Variants in RNF135 observed in about 807,000 individuals in gnomAD.
The protein encoded by RNF135 is ring finger protein 135, also known as E3 ubiquitin-protein ligase RNF135.
In RNF135, 46 loss-of-function variants were observed where a neutral mutation model predicts 41.9. That is an observed-to-expected ratio of 1.10 (90% CI 0.87 to 1.40). RNF135 has a LOEUF of 1.40. RNF135 is among the 40% of genes most tolerant of loss of function. RNF135 has a pLI of 0.00. For missense variants in RNF135, 539 were observed against 549.8 expected (o/e 0.98, Z 0.20); for synonymous variants, 238 against 223.8 (o/e 1.06, Z -0.57).
In RNF135 at chr17:30,992,543, C is replaced by T. The variant is rs181386945; in HGVS notation, c.679+4437C>T. On this transcript the variant is annotated intron_variant, in intron 3 of 4. Transcript: ENST00000328381. Reference sequence around the variant, plus strand: ...TGCAGTGGTGCGATCATGGCTCACCCCAGCCTTGACCTCCCAGGCTCAAGT... The same window carrying T: ...TGCAGTGGTGCGATCATGGCTCACCTCAGCCTTGACCTCCCAGGCTCAAGT... Among the ~76,000 whole-genome samples the T allele has an allele frequency of 2.0e-4, 31 of 151,768 alleles. No homozygotes were observed. The East Asian group carries it at 5.1e-3, about 25-fold the overall frequency.
At chr17:30,984,538 T>C in intron 1 of RNF135, 79 bp from the exon 2 acceptor site, 1 of 1,471,100 alleles carries the variant, frequency 6.8e-7, no homozygotes, top group Non-Finnish European at 9.5e-7. Flanking sequence ...TACCACAGTA[T>C]TTATGATTCC....
rs751142154 is a variant in RNF135, at chr17:30,971,113, C to T, written c.40C>T (p.Leu14=). Residue 14 remains leucine, a synonymous_variant, in exon 1 of 5, where the codon CTG becomes TTG. Coordinates refer to ENST00000328381, the MANE Select transcript of RNF135 (RefSeq NM_032322.4). ...LGLGSAVPVW[L]AEDDLGCIIC... ...CCTGGGCTCCGCCGTTCCCGTGTGG[C>T]TGGCCGAGGACGACCTCGGCTGCAT... 6.5e-6 allele frequency: 10 copies of T among 1,534,284 alleles called. No individual in the cohort carries two copies. Among genetic ancestry groups the T allele is most frequent in the South Asian group, 2.4e-5 (2 of 84,006 alleles).
At chr17:30,986,620 G>A (rs1207570172) in intron 2 of RNF135, among the ~76,000 whole-genome samples, 3 of 152,192 alleles carry the variant, frequency 2.0e-5, no homozygotes, top group Non-Finnish European at 2.9e-5. Flanking sequence ...TTAGGGATGC[G>A]ATGTGTTGGG....
intron 3 of RNF135, among the ~76,000 whole-genome samples, chr17:30,995,020 G>A (rs1262357506): frequency 1.3e-5 from 2 of 152,066 alleles, no homozygotes; most frequent in Non-Finnish European, 2.9e-5. Context: ...ATGGCTCACT[G>A]TAACCTCAAT....
At chr17:30,977,246 A>C (rs1422629629) in intron 1 of RNF135, among the ~76,000 whole-genome samples, 1 of 152,120 alleles carries the variant, frequency 6.6e-6, no homozygotes, top group Non-Finnish European at 1.5e-5. Context: ...TACACTTCAA[A>C]TTCATCCCCT....
rs549266770 is a variant in RNF135 at position 30,974,153 on chromosome 17, G to A, written c.372+2708G>A. Reference sequence around the variant, plus strand: ...TGGGAGTTTGAGGTTGCAGTGAGCCGTGATTGTACCACTGCACTCCAGCCT... The same window carrying A: ...TGGGAGTTTGAGGTTGCAGTGAGCCATGATTGTACCACTGCACTCCAGCCT... On this transcript the variant is annotated intron_variant, in intron 1 of 4. Coordinates refer to ENST00000328381, the MANE Select transcript of RNF135 (RefSeq NM_032322.4). Among the ~76,000 whole-genome samples the A allele has an allele frequency of 2.2e-3, 333 of 152,234 alleles. 2 individuals carry two copies. Among genetic ancestry groups the A allele is most frequent in the African/African-American group, 7.8e-3 (324 of 41,534 alleles).
chr17:30,960,857 A>G, the RNF135 span, among the ~76,000 whole-genome samples: 24 of 150,410 alleles, frequency 1.6e-4, no homozygotes, highest in African/African-American at 5.6e-4. Context: ...CTCCTGCCTC[A>G]GCCTCCCGAG....
rs7224960 is a variant in RNF135 at position 30,971,433 on chromosome 17, G to A, written c.360G>A (p.Pro120=). The A allele has an allele frequency of 6.6e-7, 1 of 1,512,888 alleles. No individual in the cohort carries two copies. The highest frequency in any genetic ancestry group is 8.8e-7 in the Non-Finnish European group (1 of 1,138,216). The allele number at this position is 1,512,888 out of a possible 1,614,324, so 93.7% of individuals were successfully genotyped here. Residue 120 remains proline (P), a synonymous_variant, in exon 1 of 5, where the codon CCG becomes CCA. Coordinates refer to ENST00000328381, the MANE Select transcript of RNF135 (RefSeq NM_032322.4). Reference sequence around the variant, plus strand: ...CGGCCGCGAGGCCCCGGCGCCGCCCGGAACTGCAGCGGGTAGGGAGGCCGG... The same window carrying A: ...CGGCCGCGAGGCCCCGGCGCCGCCCAGAACTGCAGCGGGTAGGGAGGCCGG... ...SSAAARPRRR[P]ELQRVAVEKS...
chr17:30,998,811 G>A lies in RNF135; in HGVS notation c.919G>A (p.Ala307Thr), dbSNP rs1567751292. Residue 307 changes from alanine (A) to threonine (T), a missense_variant, in exon 5 of 5, where the codon GCC becomes ACC. This residue lies in a region of RNF135 where 262 missense variants were observed against 336.9 expected (regional missense o/e 0.78). Transcript: ENST00000328381. The stretch of plus-strand genomic sequence containing the variant: ...TACCAGCCAGGTCTTATGTTCCCAG[G>A]CCCTGTCTTCTGGAAAGCATTACTG... ...FSTSQVLCSQ[A>T]LSSGKHYWEV... The A allele has an allele frequency of 6.2e-7, 1 of 1,613,518 alleles. No individual in the cohort carries two copies. Among genetic ancestry groups the A allele is most frequent in the Admixed American group, 1.7e-5 (1 of 59,878 alleles).
At chr17:30,959,562 A>G in the RNF135 span, 1 of 152,262 alleles carries the variant, frequency 6.6e-6, no homozygotes, top group East Asian at 1.9e-4. Flanking sequence ...AGGCTCAGAG[A>G]TATCAGGTGT....
chr17:30,978,616 A>AT (rs1284171628), intron 1 of RNF135: 1,831 of 143,464 alleles, frequency 0.013, 47 homozygotes, highest in African/African-American at 0.045. Context: ...TTTATTTTTT[A>AT]TTTTTTTTTT....
At chr17:30,964,194 C>T in the RNF135 span, among the ~76,000 whole-genome samples, 1 of 151,634 alleles carries the variant, frequency 6.6e-6, no homozygotes, top group East Asian at 1.9e-4. Flanking sequence ...TTGAGACCAG[C>T]CTGGCCAACA....
chr17:30,965,778 G>T, the RNF135 span, among the ~76,000 whole-genome samples: 1 of 152,216 alleles, frequency 6.6e-6, no homozygotes, highest in Non-Finnish European at 1.5e-5. Flanking sequence ...GGGGACTAGG[G>T]GATGGATGCT....
chr17:30,978,555 G>A lies in RNF135; in HGVS notation c.373-6062G>A, dbSNP rs557973572. Reference sequence around the variant, plus strand: ...CTTCAGTATGTCAGATGCATTCTTCGATTCCAGAATTTCTGCTTGATTTTT... The same window carrying A: ...CTTCAGTATGTCAGATGCATTCTTCAATTCCAGAATTTCTGCTTGATTTTT... On this transcript the variant is annotated intron_variant, in intron 1 of 4. Transcript: ENST00000328381. 3 of 151,918 alleles carry A rather than the reference G, an allele frequency of 2.0e-5. No individual in the cohort carries two copies. In the East Asian group the frequency reaches 5.8e-4, roughly 29 times the overall value. The allele number at this position is 151,918 out of a possible 1,614,324, so 9.4% of individuals were successfully genotyped here.
At chr17:30,979,620 G>A (rs1189921335) in intron 1 of RNF135, among the ~76,000 whole-genome samples, 1 of 121,208 alleles carries the variant, frequency 8.3e-6, no homozygotes, top group African/African-American at 3.2e-5. Context: ...GGGCAGAGGC[G>A]CCCCTCACCT....
At chr17:30,988,216 T>C in intron 3 of RNF135, 110 bp downstream of exon 3, 1 of 1,065,470 alleles carries the variant, frequency 9.4e-7, no homozygotes. Flanking sequence ...TCCAGCTGTA[T>C]TACCACTGTG....
intron 1 of RNF135, among the ~76,000 whole-genome samples, chr17:30,982,102 C>T (rs1358803549): frequency 6.6e-6 from 1 of 152,236 alleles, no homozygotes; most frequent in South Asian, 2.1e-4. Flanking sequence ...ATGGCAAAGC[C>T]AGCCAGGCTT....
chr17:30,991,127 G>A (rs1233597172), intron 3 of RNF135, among the ~76,000 whole-genome samples: 1 of 152,044 alleles, frequency 6.6e-6, no homozygotes, highest in East Asian at 1.9e-4. Flanking sequence ...GAAGAAGTGT[G>A]TGTCCCCAAC....
chr17:30,987,433 T>C (rs1443128199), intron 2 of RNF135, among the ~76,000 whole-genome samples: 1 of 152,150 alleles, frequency 6.6e-6, no homozygotes, highest in Non-Finnish European at 1.5e-5. Flanking sequence ...GGTTTCACCA[T>C]GTTGGCCAGG....
Sources: allele counts gnomAD v4.1 joint callset (sites outside exome capture counted in the v4.1 genomes callset), GRCh38; gene constraint gnomAD v4.1.1; regional missense constraint gnomAD v4.1.1; transcripts MANE v1.5; gene names NCBI Gene and HGNC (gene_info 2026-07-23, HGNC 2026-07-21).